LRRC9: variants seen among roughly 807,000 people sequenced by gnomAD.
LRRC9 encodes the protein leucine rich repeat containing 9.
A neutral mutation model predicts 63.2 loss-of-function variants in LRRC9; 122 were observed. The observed-to-expected ratio is 1.93, with a 90% confidence interval of 1.67 to 2.24. LRRC9 has a LOEUF of 2.24. Among genes scored for constraint, LRRC9 ranks in the 30% most tolerant of loss-of-function variants. LRRC9 has a pLI of 0.00. For missense variants in LRRC9, 1,071 were observed against 627.7 expected (o/e 1.71, Z -7.55); for synonymous variants, 366 against 213.1 (o/e 1.72, Z -6.25).
chr14:60,002,442 A>T (rs924368824), intron 20 of LRRC9, among the ~76,000 whole-genome samples: 1 of 152,180 alleles, frequency 6.6e-6, no homozygotes, highest in South Asian at 2.1e-4. Context: ...AGCCCCTGGC[A>T]ACCACTATTC....
At chr14:60,019,241 G>C (rs1890930137) in exon 26 of LRRC9, 2 of 690,366 alleles carry the variant, frequency 2.9e-6, no homozygotes, top group Admixed American at 2.1e-5. Context: ...TGGACAGCAA[G>C]GAATTTCAAA....
intron 29 of LRRC9, among the ~76,000 whole-genome samples, chr14:60,050,361 A>G (rs924882955): frequency 1.3e-5 from 2 of 152,076 alleles, no homozygotes; most frequent in African/African-American, 4.8e-5. Context: ...CTATTCTGCT[A>G]TTGATATTTA....
chr14:60,034,756 A>T (rs1892292745), intron 29 of LRRC9, among the ~76,000 whole-genome samples: 1 of 152,156 alleles, frequency 6.6e-6, no homozygotes, highest in Admixed American at 6.5e-5. Context: ...GCTGATGGGC[A>T]CTTAGGTTGA....
In LRRC9 at chr14:59,966,585, A is replaced by G. The variant is rs1377492150; in HGVS notation, c.1212-4A>G. 7.6e-6 allele frequency: 5 copies of G among 654,450 alleles called. No individual in the cohort carries two copies. Among genetic ancestry groups the G allele is most frequent in the Non-Finnish European group, 1.4e-5 (5 of 361,624 alleles). The allele number at this position is 654,450 out of a possible 1,614,324, so 40.5% of individuals were successfully genotyped here. On this transcript the variant is annotated splice_region_variant and splice_polypyrimidine_tract_variant and intron_variant, in intron 10 of 31. Coordinates refer to ENST00000445360, the Ensembl canonical transcript of LRRC9. This position sits in a 1 kb window ranked among gnomAD's most constrained non-coding sequence, Gnocchi z 4.0. ...ATGTATATTCTGTATGTATTCCCAC[A>G]TAGGTTTAATTTCTGCTATGAATTA...
At chr14:60,009,423 G>C (rs541024854) in intron 23 of LRRC9, among the ~76,000 whole-genome samples, 1 of 152,182 alleles carries the variant, frequency 6.6e-6, no homozygotes, top group African/African-American at 2.4e-5. Flanking sequence ...AAAACCATCA[G>C]ATCTCATGAG....
chr14:60,030,046 C>G (rs564254438), intron 28 of LRRC9, among the ~76,000 whole-genome samples: 61 of 152,186 alleles, frequency 4.0e-4, no homozygotes, highest in African/African-American at 1.3e-3. Flanking sequence ...TGAACTCTCA[C>G]TTCAAATTTG....
At chr14:59,931,941 T>C (rs747198186) in intron 5 of LRRC9, 28 bp from the exon 6 acceptor site, 24 of 696,022 alleles carry the variant, frequency 3.4e-5, no homozygotes, top group East Asian at 3.0e-4. Context: ...GGTAAAATAA[T>C]TGAATTCTTT....
In LRRC9 at chr14:60,003,854, CA is replaced by C. The variant is rs201379118; in HGVS notation, c.2842+62del. 1.9e-6 allele frequency: 1 copy of C among 538,622 alleles called. No homozygotes were observed. The highest frequency in any genetic ancestry group is 3.3e-6 in the Non-Finnish European group (1 of 306,600). 33.4% of individuals were successfully genotyped at this position (538,622 alleles called of 1,614,324 possible). ...AATATGGGATGTCTAAACAACAAAGCAAAAAATAACCCTGGGAACAGAGTTT... is the reference window on the plus strand; with the variant it reads ...AATATGGGATGTCTAAACAACAAAGCAAAAATAACCCTGGGAACAGAGTTT... On this transcript the variant is annotated intron_variant, in intron 21 of 31. Transcript: ENST00000445360. This position sits in a 1 kb window ranked among gnomAD's most constrained non-coding sequence, Gnocchi z 4.2.
intron 6 of LRRC9, among the ~76,000 whole-genome samples, chr14:59,935,238 G>A (rs1890046730): frequency 6.6e-6 from 1 of 150,794 alleles, no homozygotes. Context: ...AGGTTGCAGT[G>A]AGCTGAGATT....
At position 59,938,930 on chromosome 14, in the gene LRRC9, C is replaced by CATAT. The variant is rs1472956142; in HGVS notation, c.726+359_726+360insTATA. Among the ~76,000 whole-genome samples the CATAT allele has an allele frequency of 1.4e-4, 17 of 122,478 alleles. 1 individual carries two copies. The highest frequency in any genetic ancestry group is 5.2e-4 in the African/African-American group (16 of 30,920). 80.4% of individuals were successfully genotyped at this position (122,478 alleles called of 152,430 possible). ...ATATATACACATATGCATATATATA[C>CATAT]ACATATATACATATACATACATATA... On this transcript the variant is annotated intron_variant, in intron 7 of 31. Coordinates refer to ENST00000445360, the Ensembl canonical transcript of LRRC9. The surrounding 1 kb of genome is among the most constrained non-coding windows in gnomAD (Gnocchi z 4.2).
intron 31 of LRRC9, among the ~76,000 whole-genome samples, chr14:60,061,389 A>G (rs1273091163): frequency 1.3e-5 from 2 of 152,224 alleles, no homozygotes; most frequent in Non-Finnish European, 2.9e-5. Context: ...TCCAACAGCA[A>G]AAAGATTACA....
chr14:59,964,468 C>T lies in LRRC9; in HGVS notation c.1212-2121C>T, dbSNP rs1235962246. Among the ~76,000 whole-genome samples, 1 of 152,166 alleles carries T rather than the reference C, an allele frequency of 6.6e-6. No individual in the cohort carries two copies. The highest frequency in any genetic ancestry group is 3.2e-3 in the Middle Eastern group (1 of 316). On this transcript the variant is annotated intron_variant, in intron 10 of 31. Transcript: ENST00000445360. This position sits in a 1 kb window ranked among gnomAD's most constrained non-coding sequence, Gnocchi z 4.4. ...GCTGAATTCCTGGGCAACATAAAAT[C>T]TCCATGAAAAAATCACACTTCATAG... is the stretch of plus-strand genomic sequence containing the variant.
intron 26 of LRRC9, among the ~76,000 whole-genome samples, chr14:60,019,793 A>G (rs1415393143): frequency 6.6e-6 from 1 of 151,680 alleles, no homozygotes; most frequent in Non-Finnish European, 1.5e-5. Flanking sequence ...TTATGCAAAA[A>G]ATGACAACAA....
At chr14:60,054,046 A>C (rs1169734608) in intron 30 of LRRC9, 1 of 390,406 alleles carries the variant, frequency 2.6e-6, no homozygotes, top group Non-Finnish European at 4.9e-6. Flanking sequence ...AACCAAGGAC[A>C]TTAGAGTCCA....
At chr14:59,944,507 A>G in intron 7 of LRRC9, 82 bp from the exon 8 acceptor site, 1 of 475,848 alleles carries the variant, frequency 2.1e-6, no homozygotes, top group East Asian at 3.3e-5. Context: ...TATATAGAAC[A>G]TACTGTATTT....
intron 16 of LRRC9, among the ~76,000 whole-genome samples, chr14:59,983,705 A>G (rs926422898): frequency 9.2e-5 from 14 of 152,198 alleles, no homozygotes; most frequent in African/African-American, 3.4e-4. Context: ...TTGGAATTCA[A>G]GAAAGACACA....
chr14:60,033,521 A>C (rs1056963392), intron 29 of LRRC9, among the ~76,000 whole-genome samples: 1 of 152,096 alleles, frequency 6.6e-6, no homozygotes, highest in African/African-American at 2.4e-5. Context: ...TTGCCTTTTC[A>C]GTAATTGGTA....
chr14:59,948,401 A>G (rs1328175013), intron 8 of LRRC9, among the ~76,000 whole-genome samples: 1 of 139,850 alleles, frequency 7.2e-6, no homozygotes, highest in Non-Finnish European at 1.5e-5. Flanking sequence ...GCTTAAGGAG[A>G]TTTTGGGCTG....
chr14:60,001,310 G>A (rs181375939), intron 19 of LRRC9, among the ~76,000 whole-genome samples: 11 of 152,070 alleles, frequency 7.2e-5, no homozygotes, highest in Admixed American at 3.9e-4. Context: ...TATTCATGAT[G>A]ACAGTGTTTA....
Sources: allele counts gnomAD v4.1 joint callset (sites outside exome capture counted in the v4.1 genomes callset), GRCh38; gene constraint gnomAD v4.1.1; non-coding constraint Gnocchi (gnomAD v3.1); transcripts MANE v1.5; gene names NCBI Gene and HGNC (gene_info 2026-07-23, HGNC 2026-07-21).